The following TANC2 variants were observed in gnomAD, a reference collection of about 807,000 sequenced individuals.
TANC2 encodes protein TANC2.
In TANC2, 26 loss-of-function variants were observed where a neutral mutation model predicts 210.5. The observed-to-expected ratio is 0.12, with a 90% confidence interval of 0.09 to 0.17. The LOEUF is 0.17. Ranked by LOEUF, TANC2 falls within the 10% of genes least tolerant of loss-of-function variation. The pLI is 1.00. For synonymous variants in TANC2, 931 were observed against 967.1 expected (o/e 0.96, Z 0.69); for missense variants, 2,129 against 2,608.9 (o/e 0.82, Z 4.01).
At chr17:63,068,209 A>G (rs1022325421) in intron 2 of TANC2, among the ~76,000 whole-genome samples, 4 of 152,160 alleles carry the variant, frequency 2.6e-5, no homozygotes, top group Non-Finnish European at 4.4e-5. Flanking sequence ...ATGGCCAGTA[A>G]AACATATGCT....
chr17:63,335,418 C>G (rs919935897), intron 11 of TANC2, among the ~76,000 whole-genome samples: 1 of 152,012 alleles, frequency 6.6e-6, no homozygotes, highest in Non-Finnish European at 1.5e-5. Flanking sequence ...CGAGACCAGC[C>G]TGGCCAATAT....
chr17:63,184,577 C>T (rs2040908536), intron 5 of TANC2, among the ~76,000 whole-genome samples: 1 of 152,098 alleles, frequency 6.6e-6, no homozygotes, highest in African/African-American at 2.4e-5. Flanking sequence ...AACATACCCA[C>T]TGTTCTGACT....
At chr17:63,177,640 A>G (rs2040635020) in intron 5 of TANC2, among the ~76,000 whole-genome samples, 1 of 152,188 alleles carries the variant, frequency 6.6e-6, no homozygotes. Flanking sequence ...GCTTGCAAGT[A>G]TTGGTTGAAA....
intron 9 of TANC2, among the ~76,000 whole-genome samples, chr17:63,307,596 GT>G (rs1407390235): frequency 5.9e-5 from 9 of 152,198 alleles, no homozygotes; most frequent in African/African-American, 2.2e-4. Context: ...AAACTCAAGA[GT>G]TTCAGGGCTT....
intron 5 of TANC2, chr17:63,152,382 T>G (rs749487166): frequency 1.5e-4 from 23 of 152,100 alleles, no homozygotes; most frequent in Non-Finnish European, 2.9e-4. Context: ...GGAGAAAATT[T>G]GGGCCAAACC....
chr17:63,055,979 AAAAAAAAAAAAATATATATATATAT>A (rs1287101422), intron 2 of TANC2, among the ~76,000 whole-genome samples: 3 of 42,132 alleles, frequency 7.1e-5, no homozygotes, highest in East Asian at 1.8e-3. Context: ...AAAAAAAAAA[AAAAAAAAAAAAATATATATATATAT>A]ATATATATAT....
chr17:63,029,493 A>G (rs910377145), intron 2 of TANC2, among the ~76,000 whole-genome samples: 1 of 152,150 alleles, frequency 6.6e-6, no homozygotes, highest in African/African-American at 2.4e-5. Context: ...AAAAAATTAG[A>G]TATAACTAGT....
At chr17:63,206,041 C>T (rs890462261) in intron 7 of TANC2, among the ~76,000 whole-genome samples, 2 of 152,160 alleles carry the variant, frequency 1.3e-5, no homozygotes, top group Non-Finnish European at 2.9e-5. Context: ...GGGAAAAAGA[C>T]TTACATAGAC....
chr17:63,079,421 A>G (rs2036688623), intron 3 of TANC2, among the ~76,000 whole-genome samples: 1 of 152,132 alleles, frequency 6.6e-6, no homozygotes, highest in Non-Finnish European at 1.5e-5. Flanking sequence ...TCTGAGTCTC[A>G]GATTGCTGGT....
intron 4 of TANC2, among the ~76,000 whole-genome samples, chr17:63,133,175 T>C (rs978528033): frequency 1.3e-5 from 2 of 151,738 alleles, no homozygotes; most frequent in Non-Finnish European, 2.9e-5. Context: ...GGTTTCACCA[T>C]ATTGGCCAGG....
intron 19 of TANC2, among the ~76,000 whole-genome samples, chr17:63,401,735 G>A (rs894434900): frequency 6.6e-6 from 1 of 152,130 alleles, no homozygotes; most frequent in African/African-American, 2.4e-5. Context: ...AAGGTGACAA[G>A]ATTGTTCACC....
At chr17:63,213,291 A>G (rs2041939033) in intron 7 of TANC2, among the ~76,000 whole-genome samples, 3 of 152,356 alleles carry the variant, frequency 2.0e-5, no homozygotes, top group Middle Eastern at 6.8e-3. Flanking sequence ...AGACAGAAGC[A>G]TCTGCTAGGA....
intron 1 of TANC2, among the ~76,000 whole-genome samples, chr17:62,995,593 A>G (rs998158015): frequency 6.6e-6 from 1 of 152,194 alleles, no homozygotes; most frequent in South Asian, 2.1e-4. Context: ...TGACCTGATA[A>G]TAAGTATTGC....
At chr17:63,397,373 C>T (rs1048249354) in intron 18 of TANC2, among the ~76,000 whole-genome samples, 1 of 152,098 alleles carries the variant, frequency 6.6e-6, no homozygotes, top group Admixed American at 6.5e-5. Context: ...TTGATTTTTG[C>T]CAAATTTTTA....
intron 7 of TANC2, among the ~76,000 whole-genome samples, chr17:63,231,382 A>G (rs2042472019): frequency 6.6e-6 from 1 of 152,118 alleles, no homozygotes; most frequent in South Asian, 2.1e-4. Flanking sequence ...GTGTGTTTTT[A>G]TAGTGACTGG....
chr17:63,171,908 T>TTGG (rs1271045899), intron 5 of TANC2, among the ~76,000 whole-genome samples: 2 of 152,230 alleles, frequency 1.3e-5, no homozygotes, highest in African/African-American at 4.8e-5. Context: ...TGAAAGAGCA[T>TTGG]TGGTTAGAAT....
chr17:63,421,863 G>A lies in TANC2; in HGVS notation c.6133G>A (p.Asp2045Asn). 6.2e-7 allele frequency: 1 copy of A among 1,613,972 alleles called. No homozygotes were observed. The highest frequency in any genetic ancestry group is 8.5e-7 in the Non-Finnish European group (1 of 1,179,886). ...TCTACCTGTGGCTCAGGCATACCAGGACAACCTGTACAGGCAGCTGTCCCG... is the reference window on the plus strand; with the variant it reads ...TCTACCTGTGGCTCAGGCATACCAGAACAACCTGTACAGGCAGCTGTCCCG... Residue 2045 changes from aspartate to asparagine, a missense_variant, in exon 28 of 28, where the codon GAC (aspartate) becomes AAC (asparagine). Coordinates refer to ENST00000689528, the Ensembl canonical transcript of TANC2. The surrounding 1 kb of genome is among the most constrained non-coding windows in gnomAD (Gnocchi z 6.9).
At chr17:63,190,884 A>G (rs907897618) in intron 5 of TANC2, among the ~76,000 whole-genome samples, 1 of 152,044 alleles carries the variant, frequency 6.6e-6, no homozygotes, top group Non-Finnish European at 1.5e-5. Context: ...AAAATTAAGA[A>G]CCCAATAACC....
At chr17:62,977,290 A>G (rs187836098) in intron 1 of TANC2, among the ~76,000 whole-genome samples, 81 of 152,280 alleles carry the variant, frequency 5.3e-4, no homozygotes, top group African/African-American at 1.9e-3. Context: ...CTTTTTCTTT[A>G]AATGAACTTG....
Sources: allele counts gnomAD v4.1 joint callset (sites outside exome capture counted in the v4.1 genomes callset), GRCh38; gene constraint gnomAD v4.1.1; non-coding constraint Gnocchi (gnomAD v3.1); transcripts MANE v1.5; gene names NCBI Gene and HGNC (gene_info 2026-07-23, HGNC 2026-07-21).